Variants in GPHN observed in about 807,000 individuals in gnomAD.
The protein encoded by GPHN is gephyrin.
A neutral mutation model predicts 95.5 loss-of-function variants in GPHN; 17 were observed. The ratio of observed to expected loss-of-function variants is 0.18; its 90% CI spans 0.12 to 0.27. The LOEUF is 0.27. Ranked by LOEUF, GPHN falls within the 10% of genes least tolerant of loss-of-function variation. The probability of loss-of-function intolerance (pLI) is 1.00; values close to 1 mark genes in which losing one functional copy is unlikely to be tolerated. For synonymous variants in GPHN, 320 were observed against 322.5 expected, an observed-to-expected ratio of 0.99 and a Z score of 0.08; for missense variants, 660 against 978.1, an observed-to-expected ratio of 0.67 and a Z score of 4.34.
chr14:66,587,114 C>G (rs974062607), intron 1 of GPHN, among the ~76,000 whole-genome samples: 5 of 152,034 alleles, frequency 3.3e-5, no homozygotes, highest in Non-Finnish European at 7.4e-5. Flanking sequence ...CAGTTATACA[C>G]AAACAAATTA....
chr14:67,523,878 A>G, the GPHN span, among the ~76,000 whole-genome samples: 1 of 151,854 alleles, frequency 6.6e-6, no homozygotes, highest in Admixed American at 6.6e-5. Context: ...AATGTCAGGT[A>G]TAGAGCTGTG....
the GPHN span, among the ~76,000 whole-genome samples, chr14:67,478,796 C>T: frequency 6.6e-6 from 1 of 152,140 alleles, no homozygotes; most frequent in East Asian, 1.9e-4. Context: ...GTTGTCTTCC[C>T]ACTTCTGCAC....
At chr14:66,730,684 G>A (rs964011338) in intron 2 of GPHN, among the ~76,000 whole-genome samples, 3 of 152,168 alleles carry the variant, frequency 2.0e-5, no homozygotes, top group Non-Finnish European at 4.4e-5. Context: ...GTACTAAATA[G>A]TACTGATTCA....
the GPHN span, chr14:67,382,722 G>C: frequency 1.7e-5 from 17 of 1,009,652 alleles, no homozygotes; most frequent in African/African-American, 2.8e-4. Flanking sequence ...ATCACTAATG[G>C]TGTTAGGGTC....
chr14:67,365,891 T>C, the GPHN span, among the ~76,000 whole-genome samples: 2 of 152,170 alleles, frequency 1.3e-5, no homozygotes, highest in African/African-American at 2.4e-5. Flanking sequence ...AGATGATACA[T>C]AGATTTTGAG....
intron 6 of GPHN, among the ~76,000 whole-genome samples, chr14:66,919,132 C>T (rs149765242): frequency 1.6e-4 from 25 of 152,244 alleles, no homozygotes; most frequent in African/African-American, 5.8e-4. Context: ...TTATATTTTG[C>T]TTGCTGTACA....
rs577642847 is a variant in GPHN at position 66,723,627 on chromosome 14, T to A, written c.143+42442T>A. Among the ~76,000 whole-genome samples the A allele has an allele frequency of 2.6e-5, 4 of 152,250 alleles. No individual in the cohort carries two copies. The South Asian group carries it at 8.3e-4, about 32-fold the overall frequency. On this transcript the variant is annotated intron_variant, in intron 2 of 22. Coordinates refer to ENST00000478722, the MANE Select transcript of GPHN (RefSeq NM_020806.5). ...AATTCATTTTTATTGTACATTTGAT[T>A]CTTAGGTTGCATTTATAGTTTTATT...
At chr14:66,914,899 G>A (rs910660196) in intron 5 of GPHN, among the ~76,000 whole-genome samples, 2 of 152,034 alleles carry the variant, frequency 1.3e-5, no homozygotes, top group South Asian at 2.1e-4. Context: ...TGTCACTAAA[G>A]TACTTTATCC....
chr14:67,096,175 A>G (rs2077384023), intron 12 of GPHN, among the ~76,000 whole-genome samples: 1 of 152,160 alleles, frequency 6.6e-6, no homozygotes, highest in Non-Finnish European at 1.5e-5. Context: ...AGCAATATAG[A>G]GACACATTTA....
the GPHN span, among the ~76,000 whole-genome samples, chr14:67,259,927 C>T: frequency 6.7e-6 from 1 of 150,126 alleles, no homozygotes; most frequent in African/African-American, 2.4e-5. Context: ...ATGTATTTGT[C>T]TTAAGTTTCT....
chr14:67,156,892 C>A (rs1367000008), intron 18 of GPHN, among the ~76,000 whole-genome samples: 1 of 151,600 alleles, frequency 6.6e-6, no homozygotes, highest in Non-Finnish European at 1.5e-5. Context: ...TCGTTTGAAC[C>A]CAGGAGACAG....
In GPHN at chr14:66,824,396, A is replaced by G. The variant is rs111931613; in HGVS notation, c.202-78A>G. The G allele has an allele frequency of 0.014, 10,355 of 737,992 alleles. 114 individuals are homozygous for G. Among genetic ancestry groups the G allele is most frequent in the Non-Finnish European group, 0.017 (6,871 of 398,132 alleles). The allele number at this position is 737,992 out of a possible 1,614,324, so 45.7% of individuals were successfully genotyped here. On this transcript the variant is annotated intron_variant, in intron 3 of 22. Transcript: ENST00000478722. ...GAATCTGTGTTTCCTCGTTGAATAC[A>G]AAGTGTCCTAGGACTGGGATGTTTT...
At chr14:67,070,139 T>C (rs1381659880) in intron 11 of GPHN, among the ~76,000 whole-genome samples, 2 of 152,074 alleles carry the variant, frequency 1.3e-5, no homozygotes, top group African/African-American at 4.8e-5. Context: ...TTCCATGAAC[T>C]TCATTACACT....
chr14:66,706,287 T>G (rs1347797671), intron 2 of GPHN, among the ~76,000 whole-genome samples: 1 of 152,184 alleles, frequency 6.6e-6, no homozygotes, highest in East Asian at 1.9e-4. Flanking sequence ...CCATTGACAT[T>G]ATTTACAGAA....
the GPHN span, chr14:67,208,284 TCAC>T: frequency 1.2e-5 from 19 of 1,613,982 alleles, no homozygotes; most frequent in South Asian, 2.0e-4. Flanking sequence ...TCAAAACATG[TCAC>T]CATCTCAAAC....
chr14:67,665,747 C>T, the GPHN span, among the ~76,000 whole-genome samples: 2 of 152,174 alleles, frequency 1.3e-5, no homozygotes, highest in African/African-American at 4.8e-5. Flanking sequence ...AATGACAACA[C>T]ACCCTTTACT....
chr14:67,047,490 T>C (rs1670134012), intron 10 of GPHN, among the ~76,000 whole-genome samples: 1 of 151,722 alleles, frequency 6.6e-6, no homozygotes, highest in South Asian at 2.1e-4. Context: ...CTCAGCCTTC[T>C]GAGTAGCTGG....
the GPHN span, among the ~76,000 whole-genome samples, chr14:67,721,163 C>T: frequency 6.6e-6 from 1 of 152,180 alleles, no homozygotes; most frequent in African/African-American, 2.4e-5. Context: ...CTGGAGGCTC[C>T]TCTGGCTTCA....
At chr14:66,692,995 T>TGTGGGTAAC (rs2067877673) in intron 2 of GPHN, among the ~76,000 whole-genome samples, 1 of 152,012 alleles carries the variant, frequency 6.6e-6, no homozygotes, top group Admixed American at 6.5e-5. Flanking sequence ...CATCTATTGA[T>TGTGGGTAAC]ATTTACTATG....
Sources: allele counts gnomAD v4.1 joint callset (sites outside exome capture counted in the v4.1 genomes callset), GRCh38; gene constraint gnomAD v4.1.1; transcripts MANE v1.5; gene names NCBI Gene and HGNC (gene_info 2026-07-23, HGNC 2026-07-21).